MEGF9: variants seen among roughly 807,000 people sequenced by gnomAD.
The protein encoded by MEGF9 is multiple epidermal growth factor-like domains protein 9.
In MEGF9, 6 loss-of-function variants were observed where a neutral mutation model predicts 46.8. The observed-to-expected ratio is 0.13, with a 90% CI of 0.07 to 0.25. The LOEUF is 0.25. Ranked by LOEUF, MEGF9 falls within the 10% of genes least tolerant of loss-of-function variation. MEGF9 has a pLI of 1.00. For missense variants in MEGF9, 683 were observed against 792.4 expected (o/e 0.86, Z 1.66); for synonymous variants, 302 against 330.7 (o/e 0.91, Z 0.94).
chr9:120,628,711 G>C (rs995279153), intron 2 of MEGF9, among the ~76,000 whole-genome samples: 2 of 151,970 alleles, frequency 1.3e-5, no homozygotes, highest in Non-Finnish European at 2.9e-5. Context: ...TCTTTGCCCA[G>C]GAGGGAGACT....
chr9:120,668,065 A>C (rs2043733160), intron 1 of MEGF9, among the ~76,000 whole-genome samples: 2 of 152,108 alleles, frequency 1.3e-5, no homozygotes, highest in Admixed American at 6.6e-5. Context: ...AAACTATATT[A>C]TCTTGACTAC....
At chr9:120,671,645 A>G (rs1481278638) in intron 1 of MEGF9, among the ~76,000 whole-genome samples, 2 of 152,228 alleles carry the variant, frequency 1.3e-5, no homozygotes, top group Non-Finnish European at 2.9e-5. Context: ...AGAAATCTCC[A>G]GGCCCAGATG....
chr9:120,659,724 C>A (rs771426670), intron 1 of MEGF9, 149 bp from the exon 2 acceptor site: 1 of 689,230 alleles, frequency 1.5e-6, no homozygotes, highest in Middle Eastern at 4.0e-4. Flanking sequence ...TACTTTCTAT[C>A]CCGTTTAGTT....
chr9:120,636,966 T>C (rs2043579885), intron 2 of MEGF9, among the ~76,000 whole-genome samples: 1 of 152,210 alleles, frequency 6.6e-6, no homozygotes, highest in African/African-American at 2.4e-5. Flanking sequence ...TGGGCCATGA[T>C]GACCATGGGG....
In MEGF9 at chr9:120,670,182, C is replaced by T. The variant is rs142325021; in HGVS notation, c.602-10607G>A. On this transcript the variant is annotated intron_variant, in intron 1 of 5. Transcript: ENST00000373930. The stretch of plus-strand genomic sequence containing the variant: ...CACACTCCCAGCTCACTGCAACCTC[C>T]GCTTCCTGGATTCAAGCGATTCTCC... Among the ~76,000 whole-genome samples the T allele has an allele frequency of 3.1e-3, 471 of 152,286 alleles. 1 individual carries two copies. The highest frequency in any genetic ancestry group is 5.5e-3 in the Non-Finnish European group (371 of 68,006).
intron 1 of MEGF9, among the ~76,000 whole-genome samples, chr9:120,686,942 ATAGT>A (rs961363045): frequency 1.3e-4 from 20 of 151,590 alleles, no homozygotes; most frequent in Non-Finnish European, 2.6e-4. Flanking sequence ...TTTTAATAAA[ATAGT>A]TTGTGTGTGT....
At chr9:120,685,477 G>T (rs879484902) in intron 1 of MEGF9, among the ~76,000 whole-genome samples, 2 of 152,170 alleles carry the variant, frequency 1.3e-5, no homozygotes, top group African/African-American at 2.4e-5. Context: ...GGCAATGTTA[G>T]ATAAAATATC....
At chr9:120,705,242 G>A (rs909627761) in intron 1 of MEGF9, among the ~76,000 whole-genome samples, 3 of 152,000 alleles carry the variant, frequency 2.0e-5, no homozygotes, top group Non-Finnish European at 4.4e-5. Context: ...TAGGAAAAAA[G>A]TGAAAGTCAC....
chr9:120,614,049 A>T (rs2043460646), intron 3 of MEGF9, among the ~76,000 whole-genome samples: 1 of 150,636 alleles, frequency 6.6e-6, no homozygotes, highest in Non-Finnish European at 1.5e-5. Flanking sequence ...GACGGAGATC[A>T]CTCTGTGGCT....
chr9:120,657,259 C>T (rs2043681365), intron 2 of MEGF9, among the ~76,000 whole-genome samples: 1 of 152,208 alleles, frequency 6.6e-6, no homozygotes, highest in African/African-American at 2.4e-5. Context: ...CTTTAGATTA[C>T]TAGTCTAGTG....
intron 1 of MEGF9, among the ~76,000 whole-genome samples, chr9:120,709,610 C>T (rs553349131): frequency 5.1e-4 from 77 of 152,262 alleles, no homozygotes; most frequent in Non-Finnish European, 6.6e-4. Context: ...TGCATGGCCC[C>T]AACGGGCAGA....
chr9:120,615,206 T>C (rs1323825136), intron 3 of MEGF9, among the ~76,000 whole-genome samples: 1 of 151,290 alleles, frequency 6.6e-6, no homozygotes, highest in Non-Finnish European at 1.5e-5. Context: ...ACAATTGCAA[T>C]CCAGCCTGGG....
At position 120,684,921 on chromosome 9, in the gene MEGF9, C is replaced by T. The variant is rs566789179; in HGVS notation, c.602-25346G>A. ...CGATCTCGGCTCACTGCAAGCTCCA[C>T]CTCCCAGGGTTCACGCCATTCTCCT... On this transcript the variant is annotated intron_variant, in intron 1 of 5. Transcript: ENST00000373930. 1.7e-4 allele frequency among the ~76,000 whole-genome samples: 26 copies of T among 152,120 alleles called. 1 individual carries two copies. Among genetic ancestry groups the T allele is most frequent in the Middle Eastern group, 3.4e-3 (1 of 294 alleles).
chr9:120,669,608 T>C (rs1302017615), intron 1 of MEGF9, among the ~76,000 whole-genome samples: 2 of 148,444 alleles, frequency 1.3e-5, no homozygotes, highest in Admixed American at 1.3e-4. Context: ...AGATAAGAGG[T>C]CTGGTCACTA....
intron 1 of MEGF9, among the ~76,000 whole-genome samples, chr9:120,670,996 G>A (rs2043746458): frequency 2.6e-5 from 4 of 152,088 alleles, no homozygotes. Flanking sequence ...TCTTCTTAAT[G>A]CTCTGCAATC....
chr9:120,630,972 GTTT>G (rs2043548257), intron 2 of MEGF9, among the ~76,000 whole-genome samples: 3 of 152,120 alleles, frequency 2.0e-5, no homozygotes. Context: ...CTGTGCAAAC[GTTT>G]TTTAACTGGA....
At chr9:120,689,958 A>G (rs1356450301) in intron 1 of MEGF9, 1 of 532,678 alleles carries the variant, frequency 1.9e-6, no homozygotes, top group African/African-American at 1.9e-5. Context: ...TCTAAGATTC[A>G]TGACTGGCTG....
At chr9:120,612,071 A>G in intron 4 of MEGF9, among the ~76,000 whole-genome samples, 1 of 152,182 alleles carries the variant, frequency 6.6e-6, no homozygotes, top group East Asian at 1.9e-4. Flanking sequence ...AGTCAACTAT[A>G]TTTATTAGAT....
At chr9:120,611,885 GAA>G (rs1491230799) in intron 4 of MEGF9, among the ~76,000 whole-genome samples, 26 of 148,280 alleles carry the variant, frequency 1.8e-4, no homozygotes, top group African/African-American at 5.9e-4. Context: ...GAGAGAGAGA[GAA>G]AGAAAGAAAG....
Sources: allele counts gnomAD v4.1 joint callset (sites outside exome capture counted in the v4.1 genomes callset), GRCh38; gene constraint gnomAD v4.1.1; transcripts MANE v1.5; gene names NCBI Gene and HGNC (gene_info 2026-07-23, HGNC 2026-07-21).